CYB5B: variants seen among roughly 807,000 people sequenced by gnomAD.
CYB5B encodes the protein cytochrome b5 type B (outer mitochondrial membrane).
A neutral mutation model predicts 21.3 loss-of-function variants in CYB5B; 14 were observed. That is an observed-to-expected ratio of 0.66 (90% CI 0.43 to 1.03). The LOEUF (loss-of-function observed/expected upper bound fraction) is 1.03, where lower values mean the gene tolerates loss of function less well. Among genes scored for constraint, CYB5B ranks in the 50% least tolerant of loss-of-function variants. The pLI, the probability that CYB5B is intolerant of heterozygous loss-of-function variation, is 0.00. For missense variants in CYB5B, 166 were observed against 185.1 expected (o/e 0.90, Z 0.60); for synonymous variants, 69 against 68.4 (o/e 1.01, Z -0.04).
chr16:69,462,679 A>G lies in CYB5B; in HGVS notation c.*159A>G, dbSNP rs1431733847. On this transcript the variant is annotated 3_prime_UTR_variant, in exon 5 of 5. Transcript: ENST00000307892. ...CAGACATCACCTCAGATCTGAGACC[A>G]GCGTCTTCCATCTCTCAGAGCCTTA... is the stretch of plus-strand genomic sequence containing the variant. 3.2e-6 allele frequency: 2 copies of G among 620,906 alleles called. No individual in the cohort carries two copies. Among genetic ancestry groups the G allele is most frequent in the African/African-American group, 3.7e-5 (2 of 54,580 alleles). 38.5% of individuals were successfully genotyped at this position (620,906 alleles called of 1,614,324 possible). A position where few individuals can be genotyped will look rare whatever the true frequency, so the allele number is the denominator to read the frequency against.
At chr16:69,432,998 G>A (rs1472191611) in intron 1 of CYB5B, among the ~76,000 whole-genome samples, 3 of 152,054 alleles carry the variant, frequency 2.0e-5, no homozygotes, top group African/African-American at 4.8e-5. Context: ...GGGTTTTGCC[G>A]TGTTGGCCGG....
intron 3 of CYB5B, among the ~76,000 whole-genome samples, chr16:69,452,984 C>A (rs76755368): frequency 0.086 from 12,548 of 146,132 alleles, 561 homozygotes; most frequent in Middle Eastern, 0.12. Flanking sequence ...GGTGAGAGAG[C>A]GAGACTCTGT....
Position 69,464,460 on chromosome 16 carries a change from T to C in CYB5B, c.*1940T>C, listed in dbSNP as rs978417064. On this transcript the variant is annotated 3_prime_UTR_variant, in exon 5 of 5. Coordinates refer to ENST00000307892, the MANE Select transcript of CYB5B (RefSeq NM_030579.3). ...CTATTTAAAGGCAAGGAAGGATTGG[T>C]ATATGATTGCCTGTAATAAATAAAT... 1.3e-5 allele frequency: 2 copies of C among 152,210 alleles called. No homozygotes were observed. Among genetic ancestry groups the C allele is most frequent in the Admixed American group, 6.5e-5 (1 of 15,276 alleles). The allele number at this position is 152,210 out of a possible 1,614,324, so 9.4% of individuals were successfully genotyped here. A position where few individuals can be genotyped will look rare whatever the true frequency, so the allele number is the denominator to read the frequency against.
At chr16:69,455,368 G>T (rs1395231117) in intron 3 of CYB5B, among the ~76,000 whole-genome samples, 1 of 150,170 alleles carries the variant, frequency 6.7e-6, no homozygotes, top group Non-Finnish European at 1.5e-5. Context: ...CTTTCTATGT[G>T]GTTGCCAGTT....
Position 69,447,145 on chromosome 16 carries a change from T to C in CYB5B, c.175-5T>C. On this transcript the variant is annotated splice_polypyrimidine_tract_variant and splice_region_variant and intron_variant, in intron 1 of 4. Transcript: ENST00000307892. ...CTCGGTTCAGTAAATATCTTTTCCT[T>C]GTAGCACCCTGGAGGAGAAGAGGTT... 6.2e-7 allele frequency: 1 copy of C among 1,613,650 alleles called. No homozygotes were observed. Among genetic ancestry groups the C allele is most frequent in the South Asian group, 1.1e-5 (1 of 91,012 alleles).
chr16:69,436,495 A>T (rs1439431262), intron 1 of CYB5B, among the ~76,000 whole-genome samples: 3 of 152,094 alleles, frequency 2.0e-5, no homozygotes, highest in African/African-American at 7.2e-5. Context: ...GGCTCATTCT[A>T]ACCCAAATGC....
chr16:69,446,444 C>G (rs2014879313), intron 1 of CYB5B, among the ~76,000 whole-genome samples: 1 of 152,148 alleles, frequency 6.6e-6, no homozygotes, highest in Non-Finnish European at 1.5e-5. Flanking sequence ...CTGCCTCAGC[C>G]TCCTGAGTAG....
At chr16:69,450,510 G>A (rs970257095) in intron 3 of CYB5B, among the ~76,000 whole-genome samples, 6 of 152,112 alleles carry the variant, frequency 3.9e-5, no homozygotes, top group Non-Finnish European at 7.4e-5. Flanking sequence ...AAGGCCTTTT[G>A]GAACATTTTC....
chr16:69,428,689 A>G (rs140073585), intron 1 of CYB5B, among the ~76,000 whole-genome samples: 6 of 152,174 alleles, frequency 3.9e-5, no homozygotes, highest in Non-Finnish European at 8.8e-5. Context: ...TACAGGGAAG[A>G]GGACTGTGGA....
At chr16:69,433,635 T>C (rs2142810942) in intron 1 of CYB5B, among the ~76,000 whole-genome samples, 1 of 152,310 alleles carries the variant, frequency 6.6e-6, no homozygotes, top group Non-Finnish European at 1.5e-5. Flanking sequence ...TGCTGTCACA[T>C]TTTTTTCTCT....
At chr16:69,434,491 C>G (rs1030311708) in intron 1 of CYB5B, among the ~76,000 whole-genome samples, 1 of 152,200 alleles carries the variant, frequency 6.6e-6, no homozygotes, top group African/African-American at 2.4e-5. Context: ...ATACTCCCAC[C>G]ACAATGTAGG....
At chr16:69,434,188 A>G (rs1034909124) in intron 1 of CYB5B, among the ~76,000 whole-genome samples, 3 of 151,988 alleles carry the variant, frequency 2.0e-5, no homozygotes, top group Non-Finnish European at 4.4e-5. Context: ...AGATTCATCT[A>G]TTTTTTCTGT....
intron 3 of CYB5B, chr16:69,449,044 A>G (rs2014906144): frequency 6.6e-6 from 1 of 152,214 alleles, no homozygotes; most frequent in African/African-American, 2.4e-5. Context: ...TTGCCCTGCA[A>G]TCCAGAGTGT....
At chr16:69,438,629 G>A (rs1597281535) in intron 1 of CYB5B, among the ~76,000 whole-genome samples, 1 of 151,256 alleles carries the variant, frequency 6.6e-6, no homozygotes, top group African/African-American at 2.4e-5. Flanking sequence ...GGTGTGGGGA[G>A]TCCCTTTCTG....
chr16:69,458,220 T>A (rs2015000462), intron 3 of CYB5B, among the ~76,000 whole-genome samples: 1 of 152,196 alleles, frequency 6.6e-6, no homozygotes, highest in Non-Finnish European at 1.5e-5. Flanking sequence ...TTTACAGAAC[T>A]GTGCAGTCTA....
chr16:69,465,643 G>T lies in CYB5B; in HGVS notation c.*3123G>T, dbSNP rs1448717611. 1 of 152,126 alleles carries T rather than the reference G, an allele frequency of 6.6e-6. No homozygotes were observed. Among genetic ancestry groups the T allele is most frequent in the Non-Finnish European group, 1.5e-5 (1 of 68,028 alleles). The allele number at this position is 152,126 out of a possible 1,614,324, so 9.4% of individuals were successfully genotyped here. A position where few individuals can be genotyped will look rare whatever the true frequency, so the allele number is the denominator to read the frequency against. ...TGGGACAATGAAAAATGCTTTACAG[G>T]CCTGGAGTATCATTACTTATGGTAT... is the stretch of plus-strand genomic sequence containing the variant. On this transcript the variant is annotated 3_prime_UTR_variant, in exon 5 of 5. Coordinates refer to ENST00000307892, the MANE Select transcript of CYB5B (RefSeq NM_030579.3).
intron 3 of CYB5B, chr16:69,450,207 A>G (rs762919167): frequency 1.5e-5 from 2 of 131,378 alleles, no homozygotes; most frequent in African/African-American, 2.9e-5. Context: ...GTAACACAGC[A>G]TGACCCCATC....
At chr16:69,424,963 G>T in intron 1 of CYB5B, 106 bp downstream of exon 1, 1 of 1,245,716 alleles carries the variant, frequency 8.0e-7, no homozygotes, top group African/African-American at 1.5e-5. Flanking sequence ...GGGGCGATAA[G>T]GCGTAAGAAA....
intron 3 of CYB5B, among the ~76,000 whole-genome samples, chr16:69,454,493 G>A (rs2014965061): frequency 6.6e-6 from 1 of 152,178 alleles, no homozygotes; most frequent in South Asian, 2.1e-4. Context: ...ATTTTAGGTG[G>A]TAAAATGAAC....
Sources: gnomAD v4.1 joint callset for allele counts (sites outside exome capture counted in the v4.1 genomes callset) on GRCh38, gnomAD v4.1.1 for gene constraint, MANE v1.5 for transcripts, NCBI Gene and HGNC (gene_info 2026-07-23, HGNC 2026-07-21) for gene names.